Variants in SMURF1 observed in about 807,000 individuals in gnomAD.
SMURF1 encodes SMAD specific E3 ubiquitin protein ligase 1, also known as E3 ubiquitin-protein ligase SMURF1.
In SMURF1, 44 loss-of-function variants were observed where a neutral mutation model predicts 98.0. The ratio of observed to expected loss-of-function variants is 0.45; its 90% CI spans 0.35 to 0.58. SMURF1 has a LOEUF of 0.58. Ranked by LOEUF, SMURF1 falls within the 20% of genes least tolerant of loss-of-function variation. The pLI is 0.00. For synonymous variants in SMURF1, 396 were observed against 374.9 expected (o/e 1.06, Z -0.65); for missense variants, 687 against 938.4 (o/e 0.73, Z 3.50).
chr7:99,134,411 C>CT (rs1416399491), intron 1 of SMURF1, among the ~76,000 whole-genome samples: 3 of 152,120 alleles, frequency 2.0e-5, no homozygotes, highest in Admixed American at 6.6e-5. Context: ...ATTAGTATCA[C>CT]TGACAGGTAT....
At chr7:99,142,010 T>C (rs1410402678) in intron 1 of SMURF1, among the ~76,000 whole-genome samples, 1 of 152,186 alleles carries the variant, frequency 6.6e-6, no homozygotes, top group Non-Finnish European at 1.5e-5. Flanking sequence ...AACACGGCCA[T>C]CCTGCTTTAG....
chr7:99,107,210 G>A (rs1449197462), intron 1 of SMURF1, among the ~76,000 whole-genome samples: 4 of 152,128 alleles, frequency 2.6e-5, no homozygotes, highest in African/African-American at 9.7e-5. Context: ...ACCATGGGGA[G>A]CCTCTTATAG....
At chr7:99,104,643 T>G (rs1339083110) in intron 1 of SMURF1, among the ~76,000 whole-genome samples, 2 of 152,234 alleles carry the variant, frequency 1.3e-5, no homozygotes, top group African/African-American at 4.8e-5. Context: ...TCATTAGATA[T>G]TCTCACATAA....
intron 11 of SMURF1, 43 bp downstream of exon 11, chr7:99,045,655 T>TGGC: frequency 6.7e-7 from 1 of 1,494,534 alleles, no homozygotes; most frequent in Non-Finnish European, 9.3e-7. Context: ...TTGAAAAGAC[T>TGGC]GAGATCCACA....
At chr7:99,141,814 A>G (rs978479094) in intron 1 of SMURF1, among the ~76,000 whole-genome samples, 9 of 152,240 alleles carry the variant, frequency 5.9e-5, no homozygotes, top group Non-Finnish European at 8.8e-5. Context: ...TAAAGTGTTC[A>G]AAACGCTCAT....
intron 5 of SMURF1, 128 bp downstream of exon 5, chr7:99,057,077 G>A (rs1282337649): frequency 1.2e-6 from 1 of 819,504 alleles, no homozygotes; most frequent in Non-Finnish European, 2.0e-6. Flanking sequence ...TGAAGAGAAG[G>A]CCCCGTACGT....
intron 1 of SMURF1, among the ~76,000 whole-genome samples, chr7:99,118,456 G>C (rs1797511986): frequency 6.6e-6 from 1 of 152,104 alleles, no homozygotes; most frequent in Non-Finnish European, 1.5e-5. Context: ...ATATTACTTA[G>C]CAAGAAAAAG....
intron 2 of SMURF1, 107 bp downstream of exon 2, chr7:99,061,691 TA>T: frequency 2.5e-6 from 2 of 789,104 alleles, no homozygotes; most frequent in Non-Finnish European, 3.9e-6. Context: ...TTCTATTAAG[TA>T]AAGGGCAAAA....
At chr7:99,037,000 G>A in intron 15 of SMURF1, 67 bp downstream of exon 15, 2 of 1,608,986 alleles carry the variant, frequency 1.2e-6, no homozygotes, top group Non-Finnish European at 1.7e-6. Flanking sequence ...CCTGCAGCAA[G>A]GATTTAAAAC....
At chr7:99,111,566 G>A (rs1363662212) in intron 1 of SMURF1, among the ~76,000 whole-genome samples, 1 of 152,172 alleles carries the variant, frequency 6.6e-6, no homozygotes, top group East Asian at 1.9e-4. Context: ...TAAAAACAAT[G>A]AATAACTGGC....
intron 1 of SMURF1, among the ~76,000 whole-genome samples, chr7:99,099,392 G>A (rs1797024890): frequency 6.6e-6 from 1 of 152,048 alleles, no homozygotes; most frequent in African/African-American, 2.4e-5. Flanking sequence ...ACACATAAAA[G>A]AGAACAGTAA....
chr7:99,050,821 T>G, intron 8 of SMURF1: 1 of 880,288 alleles, frequency 1.1e-6, no homozygotes, highest in Non-Finnish European at 1.7e-6. Context: ...CCAAAAATCA[T>G]ATTAGGTAGT....
chr7:99,138,381 T>G (rs1798042595), intron 1 of SMURF1, among the ~76,000 whole-genome samples: 1 of 152,218 alleles, frequency 6.6e-6, no homozygotes, highest in Non-Finnish European at 1.5e-5. Flanking sequence ...GAGGTGATAT[T>G]GAAACACTAT....
chr7:99,058,299 T>C (rs989622319), intron 3 of SMURF1, among the ~76,000 whole-genome samples: 6 of 151,840 alleles, frequency 4.0e-5, no homozygotes, highest in African/African-American at 1.5e-4. Flanking sequence ...CTGGCTAATT[T>C]TTGTATTTTT....
At chr7:99,043,541 G>A (rs10255856) in intron 11 of SMURF1, among the ~76,000 whole-genome samples, 8,894 of 152,206 alleles carry the variant, frequency 0.058, 859 homozygotes, top group African/African-American at 0.2. Context: ...TACGGAAAAC[G>A]CAGAAGGAAT....
intron 1 of SMURF1, among the ~76,000 whole-genome samples, chr7:99,118,913 G>A (rs1797524295): frequency 6.7e-6 from 1 of 150,154 alleles, no homozygotes; most frequent in Non-Finnish European, 1.5e-5. Flanking sequence ...CCAGGCTGCA[G>A]TACGTGATGC....
At chr7:99,049,444 T>A in intron 9 of SMURF1, 119 bp downstream of exon 9, 1 of 1,057,090 alleles carries the variant, frequency 9.5e-7, no homozygotes, top group African/African-American at 1.6e-5. Context: ...TTAACATCAT[T>A]TTGACCATGC....
intron 1 of SMURF1, among the ~76,000 whole-genome samples, chr7:99,119,016 T>A (rs1797530066): frequency 1.6e-5 from 2 of 121,772 alleles, no homozygotes; most frequent in African/African-American, 6.1e-5. Context: ...TTTTTTTTTT[T>A]TTTTTTTTTT....
intron 1 of SMURF1, among the ~76,000 whole-genome samples, chr7:99,081,802 G>A (rs1476379685): frequency 6.6e-6 from 1 of 152,150 alleles, no homozygotes; most frequent in African/African-American, 2.4e-5. Context: ...ACAGGCGCCT[G>A]CCACCACGCC....
Sources: gnomAD v4.1 joint callset for allele counts (sites outside exome capture counted in the v4.1 genomes callset) on GRCh38, gnomAD v4.1.1 for gene constraint, MANE v1.5 for transcripts, NCBI Gene and HGNC (gene_info 2026-07-23, HGNC 2026-07-21) for gene names.